The following SLC1A2 variants were observed in gnomAD, a reference collection of about 807,000 sequenced individuals.
SLC1A2 encodes solute carrier family 1 member 2, also known as excitatory amino acid transporter 2.
A neutral mutation model predicts 48.8 loss-of-function variants in SLC1A2; 15 were observed. The ratio of observed to expected loss-of-function variants is 0.31; its 90% CI spans 0.21 to 0.47. SLC1A2 has a LOEUF of 0.47. Among genes scored for constraint, SLC1A2 ranks in the 20% least tolerant of loss-of-function variants. The probability of loss-of-function intolerance (pLI) is 0.99; values close to 1 mark genes in which losing one functional copy is unlikely to be tolerated. For missense variants in SLC1A2, 502 were observed against 730.5 expected (o/e 0.69, Z 3.61); for synonymous variants, 279 against 272.6 (o/e 1.02, Z -0.23).
chr11:35,296,196 C>T (rs1159747297), intron 6 of SLC1A2, among the ~76,000 whole-genome samples: 1 of 152,190 alleles, frequency 6.6e-6, no homozygotes, highest in Non-Finnish European at 1.5e-5. Context: ...GACTTTCAGG[C>T]CTGGGACAGA....
chr11:35,361,486 G>C (rs1312944281), intron 1 of SLC1A2, among the ~76,000 whole-genome samples: 1 of 152,066 alleles, frequency 6.6e-6, no homozygotes, highest in Non-Finnish European at 1.5e-5. Context: ...CTGTGTCCAG[G>C]CTGGCCTCCC....
intron 6 of SLC1A2, among the ~76,000 whole-genome samples, chr11:35,294,130 C>A (rs1344860822): frequency 6.6e-6 from 1 of 152,176 alleles, no homozygotes; most frequent in Non-Finnish European, 1.5e-5. Context: ...GCTTAGTAAG[C>A]CTGAGTTAGT....
Position 35,317,369 on chromosome 11 carries a change from G to A in SLC1A2, c.157+8C>T, listed in dbSNP as rs200685691. ...GGGGGCTGGGGGTGGGGTAGTGCAGGTACCTACCAAACACCGTCAGGGTGA... is the reference window on the plus strand; with the variant it reads ...GGGGGCTGGGGGTGGGGTAGTGCAGATACCTACCAAACACCGTCAGGGTGA... On this transcript the variant is annotated splice_region_variant and intron_variant, in intron 2 of 10. Transcript: ENST00000278379. The A allele has an allele frequency of 5.0e-5, 80 of 1,613,704 alleles. No individual in the cohort carries two copies. In the African/African-American group the frequency reaches 8.9e-4, roughly 18 times the overall value.
intron 1 of SLC1A2, among the ~76,000 whole-genome samples, chr11:35,400,348 T>C (rs1231709468): frequency 6.6e-6 from 1 of 152,236 alleles, no homozygotes; most frequent in Non-Finnish European, 1.5e-5. Context: ...ATAGATTCAC[T>C]TATTAACATA....
intron 6 of SLC1A2, among the ~76,000 whole-genome samples, chr11:35,293,888 C>G (rs112129764): frequency 6.6e-6 from 1 of 152,198 alleles, no homozygotes; most frequent in African/African-American, 2.4e-5. Flanking sequence ...AATATGTGAC[C>G]ATGGTTAGTG....
chr11:35,409,453 A>T (rs1160726375), intron 1 of SLC1A2, among the ~76,000 whole-genome samples: 1 of 152,088 alleles, frequency 6.6e-6, no homozygotes, highest in Non-Finnish European at 1.5e-5. Flanking sequence ...CATTATACTC[A>T]CCACTCTAGA....
chr11:35,301,440 C>T, intron 6 of SLC1A2, 79 bp downstream of exon 6: 5 of 1,388,360 alleles, frequency 3.6e-6, no homozygotes, highest in Non-Finnish European at 5.0e-6. Flanking sequence ...CTTTTTCCTG[C>T]AGGGAGAGCT....
intron 1 of SLC1A2, among the ~76,000 whole-genome samples, chr11:35,384,615 T>C (rs192468434): frequency 1.3e-5 from 2 of 152,366 alleles, no homozygotes; most frequent in Admixed American, 1.3e-4. Context: ...TGAAGATTAT[T>C]TGCTTGTTGA....
At chr11:35,295,960 C>A (rs1851159330) in intron 6 of SLC1A2, among the ~76,000 whole-genome samples, 2 of 152,192 alleles carry the variant, frequency 1.3e-5, no homozygotes, top group African/African-American at 4.8e-5. Flanking sequence ...TTACCACATA[C>A]CTATGGAGTC....
chr11:35,334,656 T>C lies in SLC1A2; in HGVS notation c.18-17140A>G, dbSNP rs143436495. The stretch of plus-strand genomic sequence containing the variant: ...TCTCTGCATGGCCCCTTATTATCAG[T>C]AGCCCCAAGATTAGAACTCTCTAGA... On this transcript the variant is annotated intron_variant, in intron 1 of 10. Transcript: ENST00000278379. Among the ~76,000 whole-genome samples the C allele has an allele frequency of 2.0e-5, 3 of 152,082 alleles. No homozygotes were observed. The East Asian group carries it at 5.8e-4, about 29-fold the overall frequency.
intron 1 of SLC1A2, among the ~76,000 whole-genome samples, chr11:35,393,719 C>G (rs987972376): frequency 6.6e-6 from 1 of 152,196 alleles, no homozygotes; most frequent in African/African-American, 2.4e-5. Flanking sequence ...TTCCTCCCAG[C>G]TTTGAACATT....
intron 1 of SLC1A2, among the ~76,000 whole-genome samples, chr11:35,335,233 C>T (rs973787132): frequency 1.3e-5 from 2 of 152,150 alleles, no homozygotes; most frequent in African/African-American, 4.8e-5. Context: ...ACTTCTCCTC[C>T]AGTCTCATCA....
intron 1 of SLC1A2, among the ~76,000 whole-genome samples, chr11:35,351,764 T>A (rs1853263033): frequency 6.6e-6 from 1 of 152,104 alleles, no homozygotes; most frequent in Non-Finnish European, 1.5e-5. Context: ...ATCTCCTGAG[T>A]AGCTGGGACT....
chr11:35,387,827 C>A (rs1254784846), intron 1 of SLC1A2, among the ~76,000 whole-genome samples: 5 of 151,572 alleles, frequency 3.3e-5, no homozygotes, highest in Non-Finnish European at 7.4e-5. Context: ...CAAAAAAAAA[C>A]AAAAACAAAC....
At chr11:35,352,292 C>T (rs1853289633) in intron 1 of SLC1A2, 1 of 152,230 alleles carries the variant, frequency 6.6e-6, no homozygotes, top group Non-Finnish European at 1.5e-5. Context: ...GTTTTCCAGC[C>T]TGCTTCTGAT....
intron 1 of SLC1A2, among the ~76,000 whole-genome samples, chr11:35,342,772 A>T (rs1286079802): frequency 1.3e-5 from 2 of 150,002 alleles, no homozygotes; most frequent in East Asian, 3.9e-4. Flanking sequence ...GGCGCGACAG[A>T]GTGAGACCTT....
chr11:35,269,904 G>A (rs1850231855), intron 9 of SLC1A2, among the ~76,000 whole-genome samples: 1 of 152,170 alleles, frequency 6.6e-6, no homozygotes, highest in African/African-American at 2.4e-5. Context: ...GAGGTCAGGA[G>A]TGCAAGACCA....
At chr11:35,385,732 A>G (rs1176678419) in intron 1 of SLC1A2, among the ~76,000 whole-genome samples, 3 of 152,126 alleles carry the variant, frequency 2.0e-5, no homozygotes, top group Non-Finnish European at 2.9e-5. Context: ...CCAATCTTAT[A>G]TCATCATATA....
intron 1 of SLC1A2, 38 bp downstream of exon 1, chr11:35,418,912 C>A (rs747802587): frequency 1.3e-6 from 2 of 1,546,244 alleles, no homozygotes; most frequent in African/African-American, 1.4e-5. Context: ...CCGCGCGTGA[C>A]CCCGCTTTCC....
Sources: allele counts gnomAD v4.1 joint callset (sites outside exome capture counted in the v4.1 genomes callset), GRCh38; gene constraint gnomAD v4.1.1; transcripts MANE v1.5; gene names NCBI Gene and HGNC (gene_info 2026-07-23, HGNC 2026-07-21).